PTPRD: variants seen among roughly 807,000 people sequenced by gnomAD.
The protein encoded by PTPRD is receptor-type tyrosine-protein phosphatase delta.
PTPRD carries 34 observed loss-of-function variants against 214.5 expected under a neutral mutation model. The observed-to-expected ratio is 0.16, with a 90% CI of 0.12 to 0.21. The LOEUF (loss-of-function observed/expected upper bound fraction) is 0.21. PTPRD is among the 10% of genes least tolerant of loss of function. The probability of loss-of-function intolerance (pLI) is 1.00; values close to 1 mark genes in which losing one functional copy is unlikely to be tolerated. For synonymous variants in PTPRD, 1,128 were observed against 845.7 expected (o/e 1.33, Z -5.79); for missense variants, 2,545 against 2,398.7 (o/e 1.06, Z -1.27).
At chr9:10,327,739 T>C (rs1565320174) in intron 3 of PTPRD, among the ~76,000 whole-genome samples, 1 of 151,830 alleles carries the variant, frequency 6.6e-6, no homozygotes, top group East Asian at 2.0e-4. Flanking sequence ...AGGAAGAAAG[T>C]ACAAAAAAGT....
intron 8 of PTPRD, among the ~76,000 whole-genome samples, chr9:9,408,741 T>G (rs575643273): frequency 6.6e-6 from 1 of 151,874 alleles, no homozygotes; most frequent in Non-Finnish European, 1.5e-5. Flanking sequence ...CTGTTTTTCT[T>G]ATCTTTCAAA....
At chr9:10,057,753 G>A (rs1306759578) in intron 3 of PTPRD, among the ~76,000 whole-genome samples, 2 of 151,494 alleles carry the variant, frequency 1.3e-5, no homozygotes, top group South Asian at 2.1e-4. Flanking sequence ...TGAGGGAGGG[G>A]AGTTGCTTGA....
At chr9:10,200,295 T>A (rs998416933) in intron 3 of PTPRD, among the ~76,000 whole-genome samples, 57 of 152,092 alleles carry the variant, frequency 3.7e-4, no homozygotes, top group African/African-American at 1.3e-3. Flanking sequence ...AACATATAGA[T>A]CAGTGGTTTT....
At chr9:9,639,312 T>C (rs1432313162) in intron 7 of PTPRD, among the ~76,000 whole-genome samples, 1 of 152,222 alleles carries the variant, frequency 6.6e-6, no homozygotes, top group African/African-American at 2.4e-5. Flanking sequence ...TTATAGTTTG[T>C]GTTTATTAAA....
rs150980309 is a variant in PTPRD at position 8,809,457 on chromosome 9, G to A, written c.-103-75511C>T. ...TGGAGCCAATAACCCAATAACCAAC[G>A]TCTTTCCATTTTCCATATTCCAAAG... is the stretch of plus-strand genomic sequence containing the variant. On this transcript the variant is annotated intron_variant, in intron 11 of 45. Coordinates refer to ENST00000381196, the MANE Select transcript of PTPRD (RefSeq NM_002839.4). 2.2e-3 allele frequency among the ~76,000 whole-genome samples: 339 copies of A among 152,180 alleles called. 6 individuals are homozygous for A. The highest frequency in any genetic ancestry group is 0.02 in the Admixed American group (311 of 15,288).
chr9:10,239,948 C>T (rs1455932551), intron 3 of PTPRD, among the ~76,000 whole-genome samples: 1 of 151,758 alleles, frequency 6.6e-6, no homozygotes, highest in East Asian at 1.9e-4. Context: ...AACCTCTCTC[C>T]ACCTCTTCCT....
chr9:9,073,014 G>A (rs569849584), intron 10 of PTPRD, among the ~76,000 whole-genome samples: 69 of 152,180 alleles, frequency 4.5e-4, no homozygotes, highest in African/African-American at 1.4e-3. Flanking sequence ...TGGAAGTTCA[G>A]AATAAAACTT....
At position 8,891,226 on chromosome 9, in the gene PTPRD, C is replaced by T. The variant is rs150751761; in HGVS notation, c.-104+127471G>A. 9.1e-3 allele frequency among the ~76,000 whole-genome samples: 1,339 copies of T among 147,456 alleles called. 15 individuals are homozygous for T. Among genetic ancestry groups the T allele is most frequent in the South Asian group, 0.019 (88 of 4,648 alleles). ...TCCACTCACTGCAAGCTCCGCCTCC[C>T]GGGTTCAGGCCATCCTCCTGCCTCA... On this transcript the variant is annotated intron_variant, in intron 11 of 45. Coordinates refer to ENST00000381196, the MANE Select transcript of PTPRD (RefSeq NM_002839.4).
chr9:9,905,269 T>C (rs1434934322), intron 5 of PTPRD, among the ~76,000 whole-genome samples: 9 of 152,024 alleles, frequency 5.9e-5, no homozygotes, highest in Non-Finnish European at 1.5e-5. Context: ...TAAATTCAGT[T>C]TGATTATTGA....
intron 11 of PTPRD, among the ~76,000 whole-genome samples, chr9:8,742,348 G>A (rs1015980376): frequency 6.6e-6 from 1 of 152,018 alleles, no homozygotes; most frequent in Non-Finnish European, 1.5e-5. Flanking sequence ...ACCTCATATA[G>A]TTATCATTTT....
At chr9:10,187,933 G>C (rs192054396) in intron 3 of PTPRD, among the ~76,000 whole-genome samples, 2 of 152,146 alleles carry the variant, frequency 1.3e-5, no homozygotes, top group Admixed American at 1.3e-4. Flanking sequence ...TCAAAAATTG[G>C]CAGTTTTCAG....
chr9:10,591,313 G>T (rs1320536490), intron 2 of PTPRD, among the ~76,000 whole-genome samples: 1 of 151,992 alleles, frequency 6.6e-6, no homozygotes, highest in Non-Finnish European at 1.5e-5. Flanking sequence ...AAAGAATAAA[G>T]ATTAATTTAT....
At chr9:10,031,286 G>A (rs2097060891) in intron 4 of PTPRD, among the ~76,000 whole-genome samples, 1 of 151,986 alleles carries the variant, frequency 6.6e-6, no homozygotes, top group Non-Finnish European at 1.5e-5. Context: ...TGGATTGAAG[G>A]ATGCAAGTAT....
At chr9:8,549,962 A>T (rs566477963) in intron 14 of PTPRD, among the ~76,000 whole-genome samples, 112 of 152,322 alleles carry the variant, frequency 7.4e-4, no homozygotes, top group Non-Finnish European at 1.4e-3. Context: ...ATCTGAAAGA[A>T]GATTAAAATT....
In PTPRD at chr9:8,612,488, T is replaced by C. The variant is rs538412045; in HGVS notation, c.352+20829A>G. On this transcript the variant is annotated intron_variant, in intron 14 of 45. Transcript: ENST00000381196. ...AGGCTGTACAATGGAGAAAGGAAGCTGTTCAATTAAGGTGTTAGAAGCAAA... is the reference window on the plus strand; with the variant it reads ...AGGCTGTACAATGGAGAAAGGAAGCCGTTCAATTAAGGTGTTAGAAGCAAA... Among the ~76,000 whole-genome samples the C allele has an allele frequency of 2.6e-5, 4 of 152,320 alleles. No homozygotes were observed. The East Asian group carries it at 7.7e-4, about 29-fold the overall frequency.
At chr9:10,327,872 C>T (rs1342821524) in intron 3 of PTPRD, among the ~76,000 whole-genome samples, 1 of 151,670 alleles carries the variant, frequency 6.6e-6, no homozygotes, top group African/African-American at 2.4e-5. Context: ...CTGAAGAACC[C>T]AGGTCTATTC....
intron 7 of PTPRD, among the ~76,000 whole-genome samples, chr9:9,607,008 G>GTA (rs2094205764): frequency 1.2e-5 from 1 of 81,958 alleles, no homozygotes; most frequent in Non-Finnish European, 2.3e-5. Flanking sequence ...AAAAAAAAGT[G>GTA]TTTCTGCCAT....
At chr9:10,333,610 A>G (rs2096791296) in intron 3 of PTPRD, among the ~76,000 whole-genome samples, 1 of 151,834 alleles carries the variant, frequency 6.6e-6, no homozygotes, top group Admixed American at 6.6e-5. Context: ...CTTCCATTTA[A>G]AAAGGTAAAA....
chr9:9,377,836 C>T (rs945716146), intron 9 of PTPRD, among the ~76,000 whole-genome samples: 2 of 152,052 alleles, frequency 1.3e-5, no homozygotes, highest in South Asian at 4.1e-4. Context: ...ATTAGGCATA[C>T]TTCTTAAAAT....
Sources: allele counts gnomAD v4.1 joint callset (sites outside exome capture counted in the v4.1 genomes callset), GRCh38; gene constraint gnomAD v4.1.1; transcripts MANE v1.5; gene names NCBI Gene and HGNC (gene_info 2026-07-23, HGNC 2026-07-21).